The following MBTPS1 variants were observed in gnomAD, a reference collection of about 807,000 sequenced individuals.
The protein encoded by MBTPS1 is membrane-bound transcription factor site-1 protease.
In MBTPS1, 94 loss-of-function variants were observed where a neutral mutation model predicts 127.8. The observed-to-expected ratio is 0.74, with a 90% CI of 0.62 to 0.87. The LOEUF (loss-of-function observed/expected upper bound fraction) is 0.87, where lower values mean the gene tolerates loss of function less well. MBTPS1 is among the 40% of genes least tolerant of loss of function. The probability of loss-of-function intolerance (pLI) is 0.00; values close to 1 mark genes in which losing one functional copy is unlikely to be tolerated. For missense variants in MBTPS1, 1,636 were observed against 1,353.2 expected (o/e 1.21, Z -3.28); for synonymous variants, 632 against 509.4 (o/e 1.24, Z -3.24).
chr16:84,055,889 G>T, intron 22 of MBTPS1, 116 bp downstream of exon 22: 1 of 1,187,602 alleles, frequency 8.4e-7, no homozygotes, highest in Non-Finnish European at 1.2e-6. Context: ...GGCCACCACA[G>T]CTCCCAGGAA....
At chr16:84,085,413 C>T (rs2086006027) in intron 9 of MBTPS1, among the ~76,000 whole-genome samples, 1 of 151,918 alleles carries the variant, frequency 6.6e-6, no homozygotes, top group African/African-American at 2.4e-5. Flanking sequence ...ACAAAAAATA[C>T]AAAAATTAGC....
At chr16:84,089,206 C>G in intron 8 of MBTPS1, among the ~76,000 whole-genome samples, 1 of 152,258 alleles carries the variant, frequency 6.6e-6, no homozygotes, top group East Asian at 1.9e-4. Context: ...AGTGGAAGAT[C>G]AAGGTGAACT....
Position 84,054,358 on chromosome 16 carries a change from C to CT in MBTPS1, c.*90dup. The stretch of plus-strand genomic sequence containing the variant: ...AAACCTGCAGCTGGAAACTGGATCC[C>CT]TTTTAAACCAGCCGCCACCACAGCT... On this transcript the variant is annotated 3_prime_UTR_variant, in exon 23 of 23. Transcript: ENST00000343411. 1 of 1,257,386 alleles carries CT rather than the reference C, an allele frequency of 8.0e-7. No individual in the cohort carries two copies. Among genetic ancestry groups the CT allele is most frequent in the Admixed American group, 2.8e-5 (1 of 36,196 alleles). The allele number at this position is 1,257,386 out of a possible 1,614,324, so 77.9% of individuals were successfully genotyped here.
chr16:84,055,259 C>T (rs2085505645), intron 22 of MBTPS1, among the ~76,000 whole-genome samples: 1 of 152,242 alleles, frequency 6.6e-6, no homozygotes, highest in Admixed American at 6.5e-5. Flanking sequence ...CCTCAGGACC[C>T]TGGCACCACC....
rs555176850 is a variant in MBTPS1 at position 84,062,452 on chromosome 16, T to C, written c.2572+853A>G. Among the ~76,000 whole-genome samples, 470 of 152,276 alleles carry C rather than the reference T, an allele frequency of 3.1e-3. 4 individuals are homozygous for C. The highest frequency in any genetic ancestry group is 0.011 in the African/African-American group (455 of 41,550). ...ATTTTTAAAAAGACCCATCCCAGTC[T>C]AGGGATTTACATAAATGCCAGGAAT... On this transcript the variant is annotated intron_variant, in intron 19 of 22. Coordinates refer to ENST00000343411, the MANE Select transcript of MBTPS1 (RefSeq NM_003791.4).
chr16:84,065,835 C>T (rs980421151), intron 17 of MBTPS1, 68 bp from the exon 18 acceptor site: 3 of 886,438 alleles, frequency 3.4e-6, no homozygotes, highest in South Asian at 1.8e-5. Flanking sequence ...AATAGCTACT[C>T]GTTTACCCAA....
Position 84,059,297 on chromosome 16 carries a change from C to T in MBTPS1, c.2831+5G>A. On this transcript the variant is annotated splice_donor_5th_base_variant and intron_variant, in intron 21 of 22. Coordinates refer to ENST00000343411, the MANE Select transcript of MBTPS1 (RefSeq NM_003791.4). ...AAGAGTGGAAGGGCACAGGCGGACA[C>T]TAACCTGGGCGCCGTCTCGTTTAAA... 6.2e-7 allele frequency: 1 copy of T among 1,612,706 alleles called. No individual in the cohort carries two copies. The highest frequency in any genetic ancestry group is 8.5e-7 in the Non-Finnish European group (1 of 1,178,878).
intron 10 of MBTPS1, among the ~76,000 whole-genome samples, chr16:84,084,705 A>G (rs2085993697): frequency 6.6e-6 from 1 of 152,248 alleles, no homozygotes; most frequent in Admixed American, 6.5e-5. Context: ...GGGATATTAG[A>G]AAACAGAACA....
chr16:84,072,078 A>C (rs1265525059), intron 12 of MBTPS1: 1 of 152,326 alleles, frequency 6.6e-6, no homozygotes, highest in African/African-American at 2.4e-5. Flanking sequence ...AATGCCCAGC[A>C]AGAGATGAAC....
chr16:84,103,370 A>T (rs11149626), intron 1 of MBTPS1, among the ~76,000 whole-genome samples: 2 of 151,240 alleles, frequency 1.3e-5, no homozygotes, highest in Non-Finnish European at 2.9e-5. Context: ...GCAATCCTCC[A>T]GCCTCAGCCT....
chr16:84,109,810 T>C (rs902163227), intron 1 of MBTPS1, among the ~76,000 whole-genome samples: 1 of 152,226 alleles, frequency 6.6e-6, no homozygotes, highest in Non-Finnish European at 1.5e-5. Context: ...CAAGTAAGCC[T>C]GCCCGTGGAT....
chr16:84,055,631 T>C (rs1453446717), intron 22 of MBTPS1, among the ~76,000 whole-genome samples: 1 of 152,144 alleles, frequency 6.6e-6, no homozygotes, highest in Middle Eastern at 3.2e-3. Flanking sequence ...GGGCGGCTGC[T>C]GCCATTGGCT....
At chr16:84,067,401 G>C (rs1483029024) in intron 16 of MBTPS1, among the ~76,000 whole-genome samples, 3 of 152,158 alleles carry the variant, frequency 2.0e-5, no homozygotes, top group Non-Finnish European at 4.4e-5. Context: ...CACCCAGGCT[G>C]GAGTACAGTG....
intron 14 of MBTPS1, 145 bp downstream of exon 14, chr16:84,069,721 T>C (rs2085742284): frequency 8.0e-6 from 6 of 750,388 alleles, no homozygotes; most frequent in South Asian, 7.9e-5. Flanking sequence ...CCTAAGTGCA[T>C]GGCAAAAGCC....
intron 12 of MBTPS1, among the ~76,000 whole-genome samples, chr16:84,072,706 C>T (rs534844364): frequency 3.9e-4 from 59 of 152,260 alleles, no homozygotes; most frequent in Non-Finnish European, 7.9e-4. Context: ...AGGAAAATGG[C>T]GTGAACCCGG....
chr16:84,070,409 A>C (rs1477124961), intron 13 of MBTPS1, among the ~76,000 whole-genome samples, 179 bp downstream of exon 13: 2 of 152,186 alleles, frequency 1.3e-5, no homozygotes, highest in Non-Finnish European at 2.9e-5. Context: ...TCACTGACTG[A>C]GCTACTTCTT....
intron 1 of MBTPS1, among the ~76,000 whole-genome samples, chr16:84,103,256 ATTT>A (rs1345813573): frequency 2.9e-5 from 4 of 137,514 alleles, no homozygotes; most frequent in Middle Eastern, 3.3e-3. Context: ...TATTATTATT[ATTT>A]TTTTTTTTTT....
intron 19 of MBTPS1, chr16:84,061,030 C>A (rs1229169016): frequency 7.9e-6 from 3 of 381,580 alleles, no homozygotes; most frequent in Non-Finnish European, 1.5e-5. Flanking sequence ...ATGGGTCTGG[C>A]TGGTCTCAAA....
chr16:84,111,999 A>C (rs1418632458), intron 1 of MBTPS1, among the ~76,000 whole-genome samples: 1 of 151,942 alleles, frequency 6.6e-6, no homozygotes, highest in Admixed American at 6.5e-5. Context: ...CCAGGAGTTC[A>C]AGACCAGCCT....
Sources: gnomAD v4.1 joint callset for allele counts (sites outside exome capture counted in the v4.1 genomes callset) on GRCh38, gnomAD v4.1.1 for gene constraint, MANE v1.5 for transcripts, NCBI Gene and HGNC (gene_info 2026-07-23, HGNC 2026-07-21) for gene names.